The following HECTD2 variants were observed in gnomAD, a reference collection of about 807,000 sequenced individuals.
HECTD2 encodes the protein HECT domain E3 ubiquitin protein ligase 2, also known as probable E3 ubiquitin-protein ligase HECTD2.
HECTD2 carries 35 observed loss-of-function variants against 103.2 expected under a neutral mutation model. The observed-to-expected ratio is 0.34, with a 90% CI of 0.26 to 0.45. The LOEUF (loss-of-function observed/expected upper bound fraction) is 0.45. Ranked by LOEUF, HECTD2 falls within the 20% of genes least tolerant of loss-of-function variation. HECTD2 has a pLI of 1.00. For missense variants in HECTD2, 596 were observed against 937.4 expected, an observed-to-expected ratio of 0.64 and a Z score of 4.76; for synonymous variants, 281 against 329.9, an observed-to-expected ratio of 0.85 and a Z score of 1.61.
chr10:91,486,760 A>T (rs966606844), intron 10 of HECTD2: 1 of 152,190 alleles, frequency 6.6e-6, no homozygotes, highest in Non-Finnish European at 1.5e-5. Context: ...AGCATTAATG[A>T]TTCAAAATAA....
chr10:91,503,534 C>T (rs1229464440), intron 20 of HECTD2, among the ~76,000 whole-genome samples: 2 of 152,212 alleles, frequency 1.3e-5, no homozygotes, highest in Admixed American at 6.5e-5. Flanking sequence ...CCTGGAAAAT[C>T]GGGTCACTCC....
chr10:91,441,853 C>T, intron 2 of HECTD2, among the ~76,000 whole-genome samples: 4 of 91,562 alleles, frequency 4.4e-5, no homozygotes, highest in Non-Finnish European at 6.8e-5. Flanking sequence ...GGTTTAAAGT[C>T]TGTTTCATCA....
intron 5 of HECTD2, among the ~76,000 whole-genome samples, chr10:91,469,951 A>G (rs1365741778): frequency 6.6e-6 from 1 of 152,198 alleles, no homozygotes; most frequent in East Asian, 1.9e-4. Flanking sequence ...AGACTTTTAA[A>G]CCAACAACAA....
intron 5 of HECTD2, among the ~76,000 whole-genome samples, chr10:91,474,199 T>C (rs1386795196): frequency 6.6e-6 from 1 of 151,384 alleles, no homozygotes; most frequent in Admixed American, 6.6e-5. Context: ...AACTGGAGAG[T>C]AGGGGAATGG....
chr10:91,499,186 C>G, intron 18 of HECTD2, 36 bp downstream of exon 18: 1 of 1,157,208 alleles, frequency 8.6e-7, no homozygotes, highest in Non-Finnish European at 1.3e-6. Context: ...TTTCGGTTAG[C>G]TTTTGTAGTA....
chr10:91,439,362 G>T (rs1232915038), intron 2 of HECTD2, among the ~76,000 whole-genome samples: 3 of 152,124 alleles, frequency 2.0e-5, no homozygotes, highest in African/African-American at 7.2e-5. Flanking sequence ...GTTTTTGTCA[G>T]ATTTGTCAAA....
chr10:91,409,636 G>A (rs1842833486), upstream of HECTD2, among the ~76,000 whole-genome samples: 1 of 152,144 alleles, frequency 6.6e-6, no homozygotes, highest in Admixed American at 6.5e-5. Context: ...CCACCACGTC[G>A]CACTCCTCCC....
intron 20 of HECTD2, among the ~76,000 whole-genome samples, chr10:91,504,848 AAGGAAAAAATGTTAAGG>A (rs1317794955): frequency 1.3e-5 from 2 of 152,124 alleles, no homozygotes; most frequent in Non-Finnish European, 2.9e-5. Context: ...AGTTGAAATG[AAGGAAAAAATGTTAAGG>A]GCAGCCAGAG....
intron 2 of HECTD2, among the ~76,000 whole-genome samples, chr10:91,434,403 TTAAGAAC>T (rs1365391501): frequency 6.6e-6 from 1 of 152,124 alleles, no homozygotes; most frequent in South Asian, 2.1e-4. Context: ...ACGTTGTCAG[TTAAGAAC>T]TGAGTCTTTG....
chr10:91,487,624 G>T lies in HECTD2; in HGVS notation c.1095-58G>T. On this transcript the variant is annotated intron_variant, in intron 10 of 20. Transcript: ENST00000298068. The surrounding 1 kb of genome is among the most constrained non-coding windows in gnomAD (Gnocchi z 4.1). ...ACAAGGGGTACCTTAGATTCCCTTA[G>T]TATAATTTTGTTAAAAATACACCAT... 1 of 1,030,820 alleles carries T rather than the reference G, an allele frequency of 9.7e-7. No individual in the cohort carries two copies. Among genetic ancestry groups the T allele is most frequent in the Non-Finnish European group, 1.5e-6 (1 of 648,010 alleles). 63.9% of individuals were successfully genotyped at this position (1,030,820 alleles called of 1,614,324 possible). A position where few individuals can be genotyped will look rare whatever the true frequency, so the allele number is the denominator to read the frequency against.
At chr10:91,486,671 C>G (rs1287385559) in intron 10 of HECTD2, 2 of 152,186 alleles carry the variant, frequency 1.3e-5, no homozygotes, top group African/African-American at 2.4e-5. Flanking sequence ...TTGAGAACCC[C>G]TGTCCTAAAG....
At chr10:91,504,189 G>A (rs2133364075) in intron 20 of HECTD2, among the ~76,000 whole-genome samples, 1 of 152,300 alleles carries the variant, frequency 6.6e-6, no homozygotes, top group East Asian at 1.9e-4. Flanking sequence ...AAACAGAGCA[G>A]AAAAACTGGA....
chr10:91,507,094 C>G (rs1226980697), intron 20 of HECTD2, among the ~76,000 whole-genome samples: 1 of 152,016 alleles, frequency 6.6e-6, no homozygotes, highest in Non-Finnish European at 1.5e-5. Flanking sequence ...CTAAAAACTC[C>G]CAATAAATTA....
intron 15 of HECTD2, among the ~76,000 whole-genome samples, chr10:91,497,115 G>A (rs1195573022): frequency 6.3e-5 from 9 of 143,232 alleles, no homozygotes; most frequent in East Asian, 4.0e-4. Context: ...ATGTGCCACC[G>A]TGCCCGGCAA....
At chr10:91,507,062 C>T (rs112536398) in intron 20 of HECTD2, among the ~76,000 whole-genome samples, 1 of 152,116 alleles carries the variant, frequency 6.6e-6, no homozygotes, top group Non-Finnish European at 1.5e-5. Flanking sequence ...AGGCCTTTGA[C>T]AAAATTCAAC....
At chr10:91,453,803 A>G (rs896156247) in intron 2 of HECTD2, among the ~76,000 whole-genome samples, 2 of 152,202 alleles carry the variant, frequency 1.3e-5, no homozygotes, top group Non-Finnish European at 2.9e-5. Flanking sequence ...TGCTTCAAAT[A>G]TAACAGTATA....
At chr10:91,456,960 A>G (rs1019037722) in intron 2 of HECTD2, among the ~76,000 whole-genome samples, 1 of 152,114 alleles carries the variant, frequency 6.6e-6, no homozygotes, top group Non-Finnish European at 1.5e-5. Flanking sequence ...TGACAGAAAA[A>G]GGTAGATTGT....
At chr10:91,503,633 C>G (rs1181893852) in intron 20 of HECTD2, among the ~76,000 whole-genome samples, 1 of 152,128 alleles carries the variant, frequency 6.6e-6, no homozygotes, top group South Asian at 2.1e-4. Context: ...TCCTACCCCA[C>G]GGAGTCTCGC....
intron 2 of HECTD2, among the ~76,000 whole-genome samples, chr10:91,437,724 T>TAA (rs1358105838): frequency 1.3e-5 from 2 of 151,576 alleles, no homozygotes; most frequent in African/African-American, 4.8e-5. Flanking sequence ...CAGTTTTTTA[T>TAA]AATAGATGAC....
Sources: gnomAD v4.1 joint callset for allele counts (sites outside exome capture counted in the v4.1 genomes callset) on GRCh38, gnomAD v4.1.1 for gene constraint, Gnocchi (gnomAD v3.1) non-coding constraint, MANE v1.5 for transcripts, NCBI Gene and HGNC (gene_info 2026-07-23, HGNC 2026-07-21) for gene names.